The following MLLT1 variants were observed in gnomAD, a reference collection of about 807,000 sequenced individuals.
The protein encoded by MLLT1 is protein ENL.
Under a neutral mutation model 55.1 loss-of-function variants are expected in MLLT1, and 11 were observed. That is an observed-to-expected ratio of 0.20 (90% CI 0.13 to 0.33). The LOEUF (loss-of-function observed/expected upper bound fraction) is 0.33, where lower values mean the gene tolerates loss of function less well. Among genes scored for constraint, MLLT1 ranks in the 10% least tolerant of loss-of-function variants. The pLI, the probability that MLLT1 is intolerant of heterozygous loss-of-function variation, is 1.00. For missense variants in MLLT1, 536 were observed against 760.6 expected, an observed-to-expected ratio of 0.70 and a Z score of 3.47; for synonymous variants, 323 against 320.1, an observed-to-expected ratio of 1.01 and a Z score of -0.10.
Position 6,227,226 on chromosome 19 carries a change from CG to C in MLLT1, c.421-125del, listed in dbSNP as rs938569875. On this transcript the variant is annotated intron_variant, in intron 4 of 11. Transcript: ENST00000252674. This position sits in a 1 kb window ranked among gnomAD's most constrained non-coding sequence, Gnocchi z 5.1. ...AGAAGGGAGAGCCTGAGCGCTTTCC[CG>C]AAAGAATCCCAGGTGCTTCCCTGCT... The C allele has an allele frequency of 2.0e-6, 2 of 1,009,574 alleles. No homozygotes were observed. The highest frequency in any genetic ancestry group is 3.4e-5 in the African/African-American group (2 of 58,806). 62.5% of individuals were successfully genotyped at this position (1,009,574 alleles called of 1,614,324 possible). A position where few individuals can be genotyped will look rare whatever the true frequency, so the allele number is the denominator to read the frequency against.
Position 6,212,752 on chromosome 19 carries a change from G to GCA in MLLT1, c.*289_*290insTG. ...TCCCAAGGCTGGGCGAGGGGCCCCC[G>GCA]GCCCTGTCTCTGCCCAGAGCTGCCT... On this transcript the variant is annotated 3_prime_UTR_variant, in exon 12 of 12. Coordinates refer to ENST00000252674, the MANE Select transcript of MLLT1 (RefSeq NM_005934.4). 2.8e-6 allele frequency: 3 copies of GCA among 1,083,234 alleles called. No individual in the cohort carries two copies. Among genetic ancestry groups the GCA allele is most frequent in the Middle Eastern group, 3.6e-4 (1 of 2,786 alleles). 67.1% of individuals were successfully genotyped at this position (1,083,234 alleles called of 1,614,324 possible).
At chr19:6,267,240 T>C (rs1156474548) in intron 2 of MLLT1, among the ~76,000 whole-genome samples, 1 of 152,130 alleles carries the variant, frequency 6.6e-6, no homozygotes, top group Non-Finnish European at 1.5e-5. Context: ...TAGCTGGGAC[T>C]AAAGGCATGC....
In MLLT1 at chr19:6,261,390, G is replaced by C. The variant is rs559754521; in HGVS notation, c.276+838C>G. On this transcript the variant is annotated intron_variant, in intron 3 of 11. Coordinates refer to ENST00000252674, the MANE Select transcript of MLLT1 (RefSeq NM_005934.4). The stretch of plus-strand genomic sequence containing the variant: ...TTCGTGCCAGAGGGTTTGTGGAAAA[G>C]TGGAATGGCAGCCACGCAGCCCGGC... Among the ~76,000 whole-genome samples, 21 of 152,336 alleles carry C rather than the reference G, an allele frequency of 1.4e-4. No individual in the cohort carries two copies. In the South Asian group the frequency reaches 4.3e-3, roughly 32 times the overall value.
intron 3 of MLLT1, among the ~76,000 whole-genome samples, chr19:6,257,461 A>T (rs948408132): frequency 5.3e-5 from 8 of 152,144 alleles, no homozygotes; most frequent in Non-Finnish European, 1.0e-4. Context: ...CAAAATATTT[A>T]AAAAACTTCT....
Position 6,212,405 on chromosome 19 carries a change from A to G in MLLT1, c.*637T>C, listed in dbSNP as rs942107421. The G allele has an allele frequency of 9.4e-7, 1 of 1,065,842 alleles. No homozygotes were observed. Among genetic ancestry groups the G allele is most frequent in the African/African-American group, 1.6e-5 (1 of 61,174 alleles). 66.0% of individuals were successfully genotyped at this position (1,065,842 alleles called of 1,614,324 possible). On this transcript the variant is annotated 3_prime_UTR_variant, in exon 12 of 12. Transcript: ENST00000252674. ...CATCTTAACCTACAAGCCCCACCGT[A>G]CGCACCCCCCACCCACCCCACGTGC...
chr19:6,248,693 CTGGGG>C (rs1176865335), intron 3 of MLLT1, among the ~76,000 whole-genome samples: 4 of 152,148 alleles, frequency 2.6e-5, no homozygotes, highest in Non-Finnish European at 5.9e-5. Flanking sequence ...GTGCAGCATC[CTGGGG>C]TGGGTTCCAC....
chr19:6,275,803 AAGTTC>A (rs1362628918), intron 1 of MLLT1, among the ~76,000 whole-genome samples: 1 of 152,178 alleles, frequency 6.6e-6, no homozygotes, highest in Admixed American at 6.5e-5. Context: ...CTGGAAATGC[AAGTTC>A]CCCTTTATAG....
chr19:6,217,540 C>T (rs918160270), intron 7 of MLLT1, among the ~76,000 whole-genome samples: 2 of 152,242 alleles, frequency 1.3e-5, no homozygotes, highest in Non-Finnish European at 2.9e-5. Flanking sequence ...CCAAACACTC[C>T]GGCAGCAGGA....
intron 3 of MLLT1, among the ~76,000 whole-genome samples, chr19:6,237,147 C>T (rs1256183750): frequency 1.3e-5 from 2 of 152,230 alleles, no homozygotes; most frequent in Admixed American, 6.5e-5. Context: ...TCACAGGCGC[C>T]GAGTGGCCAG....
chr19:6,217,836 G>T, intron 7 of MLLT1, 118 bp downstream of exon 7: 1 of 1,424,640 alleles, frequency 7.0e-7, no homozygotes, highest in Non-Finnish European at 9.4e-7. Context: ...AACCCTCCAT[G>T]TACAGATCTG....
In MLLT1 at chr19:6,262,357, C is replaced by T. The variant is rs1405767985; in HGVS notation, c.194-47G>A. ...ACACCCATCAGCCTCCTGCCTGTTT[C>T]AGGCCCAGCTGCCAGCGGCAGTACC... On this transcript the variant is annotated intron_variant, in intron 2 of 11. Transcript: ENST00000252674. The surrounding 1 kb of genome is among the most constrained non-coding windows in gnomAD (Gnocchi z 4.4). 1 of 1,547,740 alleles carries T rather than the reference C, an allele frequency of 6.5e-7. No homozygotes were observed. Among genetic ancestry groups the T allele is most frequent in the African/African-American group, 1.4e-5 (1 of 73,684 alleles).
At chr19:6,248,698 G>A (rs1269722096) in intron 3 of MLLT1, among the ~76,000 whole-genome samples, 1 of 152,154 alleles carries the variant, frequency 6.6e-6, no homozygotes, top group Non-Finnish European at 1.5e-5. Flanking sequence ...GCATCCTGGG[G>A]TGGGTTCCAC....
Position 6,211,052 on chromosome 19 carries a change from A to G in MLLT1, c.*1990T>C. 1 of 229,386 alleles carries G rather than the reference A, an allele frequency of 4.4e-6. No individual in the cohort carries two copies. The highest frequency in any genetic ancestry group is 8.6e-6 in the Non-Finnish European group (1 of 116,846). 14.2% of individuals were successfully genotyped at this position (229,386 alleles called of 1,614,324 possible). A position where few individuals can be genotyped will look rare whatever the true frequency, so the allele number is the denominator to read the frequency against. Reference sequence around the variant, plus strand: ...GAAGGCTGCTCGAGTCGCTGTGTGGATTTTGGGGGACTCCTGCGAAGGAGA... The same window carrying G: ...GAAGGCTGCTCGAGTCGCTGTGTGGGTTTTGGGGGACTCCTGCGAAGGAGA... On this transcript the variant is annotated 3_prime_UTR_variant, in exon 12 of 12. Transcript: ENST00000252674. The surrounding 1 kb of genome is among the most constrained non-coding windows in gnomAD (Gnocchi z 4.6).
intron 3 of MLLT1, among the ~76,000 whole-genome samples, chr19:6,258,822 T>G (rs556621611): frequency 6.6e-6 from 1 of 152,238 alleles, no homozygotes; most frequent in East Asian, 1.9e-4. Flanking sequence ...ACCCTCAACC[T>G]CCTTTGGGCC....
In MLLT1 at chr19:6,240,272, C is replaced by T. The variant is rs2091102536; in HGVS notation, c.277-9559G>A. Among the ~76,000 whole-genome samples the T allele has an allele frequency of 6.6e-6, 1 of 152,230 alleles. No homozygotes were observed. Among genetic ancestry groups the T allele is most frequent in the Non-Finnish European group, 1.5e-5 (1 of 68,038 alleles). On this transcript the variant is annotated intron_variant, in intron 3 of 11. Transcript: ENST00000252674. The surrounding 1 kb of genome is among the most constrained non-coding windows in gnomAD (Gnocchi z 4.7). ...GGGCCTGCAGCCCCATGTGAAACAG[C>T]GAAAGCCAGCCACCTACAGGCCTGC...
intron 8 of MLLT1, 61 bp downstream of exon 8, chr19:6,216,344 G>C (rs1345129661): frequency 9.7e-6 from 12 of 1,240,748 alleles, no homozygotes; most frequent in Non-Finnish European, 1.4e-5. Flanking sequence ...AATCACTGCA[G>C]ACCCAGCCGG....
chr19:6,223,982 G>A (rs1405710955), intron 5 of MLLT1, among the ~76,000 whole-genome samples: 1 of 152,160 alleles, frequency 6.6e-6, no homozygotes, highest in African/African-American at 2.4e-5. Flanking sequence ...CCCTGGGGAG[G>A]GGCTCCGGGA....
intron 1 of MLLT1, among the ~76,000 whole-genome samples, chr19:6,271,320 C>T (rs931862431): frequency 6.6e-5 from 10 of 152,230 alleles, no homozygotes; most frequent in African/African-American, 1.7e-4. Flanking sequence ...TTCCCAAGCA[C>T]GCATCACAGC....
chr19:6,253,150 A>G (rs1334672906), intron 3 of MLLT1, among the ~76,000 whole-genome samples: 3 of 151,148 alleles, frequency 2.0e-5, no homozygotes, highest in African/African-American at 7.3e-5. Flanking sequence ...CCGTAGTCCC[A>G]GCTACTCGGG....
Sources: gnomAD v4.1 joint callset for allele counts (sites outside exome capture counted in the v4.1 genomes callset) on GRCh38, gnomAD v4.1.1 for gene constraint, Gnocchi (gnomAD v3.1) non-coding constraint, MANE v1.5 for transcripts, NCBI Gene and HGNC (gene_info 2026-07-23, HGNC 2026-07-21) for gene names.